ST8SIA2: variants seen among roughly 807,000 people sequenced by gnomAD.
ST8SIA2 encodes ST8 alpha-N-acetyl-neuraminide alpha-2,8-sialyltransferase 2.
Under a neutral mutation model 37.6 loss-of-function variants are expected in ST8SIA2, and 22 were observed. That is an observed-to-expected ratio of 0.58 (90% confidence interval 0.42 to 0.83). The LOEUF (loss-of-function observed/expected upper bound fraction) is 0.83. ST8SIA2 is among the 40% of genes least tolerant of loss of function. The pLI is 0.00. For missense variants in ST8SIA2, 382 were observed against 484.7 expected, an observed-to-expected ratio of 0.79 and a Z score of 1.99; for synonymous variants, 205 against 201.2, an observed-to-expected ratio of 1.02 and a Z score of -0.16.
intron 5 of ST8SIA2, among the ~76,000 whole-genome samples, chr15:92,460,483 A>C (rs2049949952): frequency 6.6e-6 from 1 of 152,206 alleles, no homozygotes; most frequent in Admixed American, 6.5e-5. Flanking sequence ...CTGTGAGAGG[A>C]TCTCAGCATC....
Position 92,464,286 on chromosome 15 carries a change from C to T in ST8SIA2, c.1029C>T (p.Ala343=), listed in dbSNP as rs148242825. 8.1e-4 allele frequency: 1,308 copies of T among 1,614,010 alleles called. 12 individuals carry two copies. The African/African-American group carries it at 0.016, about 20-fold the overall frequency. Residue 343 remains alanine (A), a synonymous_variant, in exon 6 of 6, where the codon GCC becomes GCT. Transcript: ENST00000268164. The part of the protein sequence containing the change: ...DSLKYGYTSQ[A]SPHTMPLEFK... ...TCAAGTATGGCTACACCTCCCAGGC[C>T]AGCCCGCATACCATGCCCTTGGAGT...
chr15:92,408,371 G>A (rs2049523631), intron 1 of ST8SIA2, among the ~76,000 whole-genome samples: 2 of 152,172 alleles, frequency 1.3e-5, no homozygotes, highest in African/African-American at 2.4e-5. Flanking sequence ...TTTCTTGCCT[G>A]CTTGTTAGCT....
rs1051137759 is a variant in ST8SIA2, at chr15:92,393,887, C to G, written c.-178C>G. 1 of 233,416 alleles carries G rather than the reference C, an allele frequency of 4.3e-6. No homozygotes were observed. Among genetic ancestry groups the G allele is most frequent in the African/African-American group, 2.3e-5 (1 of 42,630 alleles). 14.5% of individuals were successfully genotyped at this position (233,416 alleles called of 1,614,324 possible). The stretch of plus-strand genomic sequence containing the variant: ...GAGCGGGCTCGCCGCGCCTGAGCAA[C>G]CCCTGCCTGTCGCTGCCGCTGCCGC... On this transcript the variant is annotated 5_prime_UTR_variant, in exon 1 of 6. Transcript: ENST00000268164.
In ST8SIA2 at chr15:92,430,038, T is replaced by C; in HGVS notation, c.99-11T>C. 1 of 1,614,102 alleles carries C rather than the reference T, an allele frequency of 6.2e-7. No individual in the cohort carries two copies. The highest frequency in any genetic ancestry group is 1.3e-5 in the African/African-American group (1 of 75,056). Reference sequence around the variant, plus strand: ...TGGGTTTATAAATAATGCATTTCCTTTGTCTTGCAGGAATTCGGGAGGCAG... The same window carrying C: ...TGGGTTTATAAATAATGCATTTCCTCTGTCTTGCAGGAATTCGGGAGGCAG... On this transcript the variant is annotated splice_polypyrimidine_tract_variant and intron_variant, in intron 1 of 5. Coordinates refer to ENST00000268164, the MANE Select transcript of ST8SIA2 (RefSeq NM_006011.4).
At chr15:92,431,404 G>C (rs530557147) in intron 2 of ST8SIA2, among the ~76,000 whole-genome samples, 1 of 152,314 alleles carries the variant, frequency 6.6e-6, no homozygotes, top group Admixed American at 6.5e-5. Context: ...ATACTGCAGT[G>C]TCTTCTTTGA....
At chr15:92,447,563 G>A (rs139293010) in intron 5 of ST8SIA2, among the ~76,000 whole-genome samples, 4 of 152,234 alleles carry the variant, frequency 2.6e-5, no homozygotes, top group East Asian at 3.9e-4. Context: ...CTTCACTGGG[G>A]ACTTAGCATA....
At chr15:92,422,223 T>C (rs1312938407) in intron 1 of ST8SIA2, 1 of 152,200 alleles carries the variant, frequency 6.6e-6, no homozygotes, top group South Asian at 2.1e-4. Flanking sequence ...GCATGGACAA[T>C]AGCCTCTAGT....
chr15:92,464,327 G>A lies in ST8SIA2; in HGVS notation c.1070G>A (p.Ser357Asn). Residue 357 changes from serine (S) to asparagine (N), a missense_variant, in exon 6 of 6, where the codon AGC becomes AAC. Ser to Asn is a conservative substitution (Grantham distance 46, BLOSUM62 1). Transcript: ENST00000268164. ...CCCTTGGAGTTTAAGGCCCTCAAGA[G>A]CCTACATGAGCAGGGGGCTTTGAAA... Reference protein sequence around the residue: ...TMPLEFKALKSLHEQGALKLT... With the variant: ...TMPLEFKALKNLHEQGALKLT... 1 of 1,614,052 alleles carries A rather than the reference G, an allele frequency of 6.2e-7. No homozygotes were observed.
chr15:92,412,803 G>A (rs1296609323), intron 1 of ST8SIA2, among the ~76,000 whole-genome samples: 7 of 152,200 alleles, frequency 4.6e-5, no homozygotes, highest in East Asian at 1.9e-4. Context: ...GATTACAGGC[G>A]CATGCCACCA....
At chr15:92,407,014 G>GA (rs546566153) in intron 1 of ST8SIA2, among the ~76,000 whole-genome samples, 69 of 139,506 alleles carry the variant, frequency 4.9e-4, no homozygotes, top group South Asian at 2.7e-3. Context: ...AAAAAGAAAA[G>GA]AAAAAAAAAA....
chr15:92,445,227 A>T (rs1053282433), intron 5 of ST8SIA2: 4 of 502,804 alleles, frequency 8.0e-6, no homozygotes, highest in African/African-American at 7.7e-5. Flanking sequence ...AGACGCCATG[A>T]ACATGGGAGG....
chr15:92,407,412 T>C (rs1048472043), intron 1 of ST8SIA2, among the ~76,000 whole-genome samples: 2 of 152,206 alleles, frequency 1.3e-5, no homozygotes, highest in Non-Finnish European at 2.9e-5. Flanking sequence ...CTTGACCCGG[T>C]GCTGGAGCAC....
At chr15:92,437,763 G>A (rs75068590) in intron 3 of ST8SIA2, among the ~76,000 whole-genome samples, 2,945 of 152,282 alleles carry the variant, frequency 0.019, 106 homozygotes, top group African/African-American at 0.065. Flanking sequence ...TAAGGAGTGA[G>A]AGGCGCCTGT....
chr15:92,413,898 C>T (rs2049568502), intron 1 of ST8SIA2, among the ~76,000 whole-genome samples: 1 of 152,188 alleles, frequency 6.6e-6, no homozygotes, highest in Non-Finnish European at 1.5e-5. Flanking sequence ...CTCAATGACA[C>T]CTTCAGCCAT....
At chr15:92,409,569 C>T (rs1348091606) in intron 1 of ST8SIA2, among the ~76,000 whole-genome samples, 2 of 152,122 alleles carry the variant, frequency 1.3e-5, no homozygotes, top group Non-Finnish European at 2.9e-5. Context: ...GGGAAGGGCC[C>T]ATTTCTTTCC....
intron 5 of ST8SIA2, among the ~76,000 whole-genome samples, chr15:92,452,785 A>G (rs2049891285): frequency 1.3e-5 from 2 of 152,224 alleles, no homozygotes; most frequent in Admixed American, 1.3e-4. Flanking sequence ...TTGACTTCTC[A>G]GAACAACCTG....
intron 1 of ST8SIA2, among the ~76,000 whole-genome samples, chr15:92,400,243 TAGCACCCCATCATGC>T (rs1299298323): frequency 6.6e-6 from 1 of 152,312 alleles, no homozygotes; most frequent in Non-Finnish European, 1.5e-5. Context: ...GTGTGCACCC[TAGCACCCCATCATGC>T]AGCACCCCAT....
chr15:92,453,576 G>A (rs2049898437), intron 5 of ST8SIA2, among the ~76,000 whole-genome samples: 1 of 152,216 alleles, frequency 6.6e-6, no homozygotes. Context: ...AGCAATGAAT[G>A]GATAGCATCT....
intron 1 of ST8SIA2, among the ~76,000 whole-genome samples, chr15:92,397,042 C>T (rs977299637): frequency 1.3e-5 from 2 of 152,164 alleles, no homozygotes; most frequent in African/African-American, 4.8e-5. Flanking sequence ...CTGCGCGTGT[C>T]GGCCCCTGGG....
Sources: gnomAD v4.1 joint callset for allele counts (sites outside exome capture counted in the v4.1 genomes callset) on GRCh38, gnomAD v4.1.1 for gene constraint, MANE v1.5 for transcripts, NCBI Gene and HGNC (gene_info 2026-07-23, HGNC 2026-07-21) for gene names.